RCL1: variants seen among roughly 807,000 people sequenced by gnomAD.
RCL1 encodes the protein RNA 3'-terminal phosphate cyclase-like protein.
RCL1 carries 24 observed loss-of-function variants against 42.4 expected under a neutral mutation model. The ratio of observed to expected loss-of-function variants is 0.57; its 90% CI spans 0.41 to 0.80. The LOEUF is 0.80. Ranked by LOEUF, RCL1 falls within the 30% of genes least tolerant of loss-of-function variation. The pLI is 0.00. For synonymous variants in RCL1, 228 were observed against 177.3 expected (o/e 1.29, Z -2.27); for missense variants, 578 against 467.9 (o/e 1.24, Z -2.17).
At chr9:4,851,782 G>A (rs924540982) in intron 8 of RCL1, among the ~76,000 whole-genome samples, 12 of 150,016 alleles carry the variant, frequency 8.0e-5, no homozygotes, top group South Asian at 2.1e-4. Context: ...CCTGTTTTTC[G>A]TGTGTATAAA....
At chr9:4,814,319 T>C (rs296846) in intron 1 of RCL1, among the ~76,000 whole-genome samples, 51,786 of 151,672 alleles carry the variant, frequency 0.34, 10,260 homozygotes, top group Non-Finnish European at 0.44. Context: ...GGTCTGACTT[T>C]GTTGCCCACG....
At chr9:4,815,383 A>G (rs918131307) in intron 1 of RCL1, among the ~76,000 whole-genome samples, 1 of 151,568 alleles carries the variant, frequency 6.6e-6, no homozygotes, top group African/African-American at 2.4e-5. Flanking sequence ...ATGCTTGATC[A>G]TGTCTGCTAT....
At chr9:4,849,605 C>A in intron 8 of RCL1, 55 bp downstream of exon 8, 2 of 1,318,136 alleles carry the variant, frequency 1.5e-6, no homozygotes, top group Non-Finnish European at 2.2e-6. Flanking sequence ...TTCTCATTGC[C>A]CAAAATGACA....
rs1019337409 is a variant in RCL1 at position 4,796,639 on chromosome 9, G to A, written c.136+3412G>A. ...GGTCTTGAACTCCTGGACTCAAGCA[G>A]TCGTCCTGCCTCAGCCTTCCAAATT... On this transcript the variant is annotated intron_variant, in intron 1 of 8. Coordinates refer to ENST00000381750, the MANE Select transcript of RCL1 (RefSeq NM_005772.5). 2.6e-5 allele frequency among the ~76,000 whole-genome samples: 4 copies of A among 152,302 alleles called. No individual in the cohort carries two copies. In the East Asian group the frequency reaches 7.7e-4, roughly 29 times the overall value.
At chr9:4,794,104 A>G (rs1842876442) in intron 1 of RCL1, among the ~76,000 whole-genome samples, 1 of 152,204 alleles carries the variant, frequency 6.6e-6, no homozygotes, top group African/African-American at 2.4e-5. Flanking sequence ...TCAGGTGAAA[A>G]AGGAAAAAAC....
At chr9:4,803,400 C>T (rs1843039132) in intron 1 of RCL1, among the ~76,000 whole-genome samples, 1 of 152,148 alleles carries the variant, frequency 6.6e-6, no homozygotes, top group Admixed American at 6.5e-5. Flanking sequence ...ACAAGGTGAT[C>T]TTCATGCTTA....
chr9:4,824,703 G>T (rs994187295), intron 2 of RCL1, among the ~76,000 whole-genome samples: 1 of 152,052 alleles, frequency 6.6e-6, no homozygotes, highest in African/African-American at 2.4e-5. Flanking sequence ...GCAAGCTTGG[G>T]TTCATATGTG....
At chr9:4,808,457 G>A (rs898795602) in intron 1 of RCL1, among the ~76,000 whole-genome samples, 5 of 151,968 alleles carry the variant, frequency 3.3e-5, no homozygotes, top group African/African-American at 7.3e-5. Context: ...ATAGGTGTGC[G>A]CCATTATGCC....
In RCL1 at chr9:4,860,241, T is replaced by C. The variant is rs773338944; in HGVS notation, c.1088T>C (p.Ile363Thr). 112 of 1,613,632 alleles carry C rather than the reference T, an allele frequency of 6.9e-5. No homozygotes were observed. Among genetic ancestry groups the C allele is most frequent in the Non-Finnish European group, 8.9e-5 (105 of 1,179,864 alleles). Residue 363 changes from isoleucine (I) to threonine (T), a missense_variant, in exon 9 of 9, where the codon ATT becomes ACT. Ile to Thr is a moderately conservative substitution (Grantham distance 89). Coordinates refer to ENST00000381750, the MANE Select transcript of RCL1 (RefSeq NM_005772.5). ...AAAGTGCTGATGACCTGTGTTGGCATTGGTTTCTCCAACCTTAGCAAGACC... is the reference window on the plus strand; with the variant it reads ...AAAGTGCTGATGACCTGTGTTGGCACTGGTTTCTCCAACCTTAGCAAGACC... ...GDKVLMTCVG[I>T]GFSNLSKTLK
intron 7 of RCL1, among the ~76,000 whole-genome samples, chr9:4,845,055 A>T (rs925266196): frequency 6.6e-6 from 1 of 152,218 alleles, no homozygotes; most frequent in African/African-American, 2.4e-5. Context: ...ATGTGGGAAG[A>T]TGGACTCATT....
intron 5 of RCL1, among the ~76,000 whole-genome samples, chr9:4,836,259 C>G (rs1817125739): frequency 1.3e-5 from 2 of 152,098 alleles, no homozygotes; most frequent in South Asian, 4.1e-4. Context: ...CCAATTTCAT[C>G]CAAGGTTGGA....
chr9:4,859,283 T>C lies in RCL1; in HGVS notation c.972-842T>C, dbSNP rs1018511243. On this transcript the variant is annotated intron_variant, in intron 8 of 8. Coordinates refer to ENST00000381750, the MANE Select transcript of RCL1 (RefSeq NM_005772.5). The stretch of plus-strand genomic sequence containing the variant: ...ACTTCCCCGGCCACCTTATTTAATA[T>C]TGCCTTCTGCCAAATATGTACAAAT... 3.0e-4 allele frequency among the ~76,000 whole-genome samples: 46 copies of C among 152,214 alleles called. 1 individual carries two copies. The highest frequency in any genetic ancestry group is 1.0e-3 in the African/African-American group (42 of 41,466).
chr9:4,853,970 G>A (rs148019060), intron 8 of RCL1, among the ~76,000 whole-genome samples: 128 of 152,196 alleles, frequency 8.4e-4, no homozygotes, highest in Middle Eastern at 3.4e-3. Flanking sequence ...GGGAACTGCC[G>A]GCCAAGCCTG....
chr9:4,852,971 A>C (rs1323453694), intron 8 of RCL1, among the ~76,000 whole-genome samples: 1 of 152,116 alleles, frequency 6.6e-6, no homozygotes, highest in Non-Finnish European at 1.5e-5. Flanking sequence ...GGATTAAAAA[A>C]TTTTAATTTC....
chr9:4,849,425 A>C, intron 7 of RCL1, 22 bp from the exon 8 acceptor site: 3 of 1,586,006 alleles, frequency 1.9e-6, no homozygotes, highest in Non-Finnish European at 2.6e-6. Context: ...TGGTTTGTAC[A>C]ATTATTAATT....
chr9:4,810,720 G>T lies in RCL1; in HGVS notation c.137-12828G>T, dbSNP rs148862401. On this transcript the variant is annotated intron_variant, in intron 1 of 8. Transcript: ENST00000381750. The stretch of plus-strand genomic sequence containing the variant: ...TGCCTATGTTTAGTTTTCCCAAGTG[G>T]TTGTACAAAGTGACTGTAAATATAT... Among the ~76,000 whole-genome samples the T allele has an allele frequency of 1.7e-3, 255 of 152,256 alleles. 1 individual carries two copies. The highest frequency in any genetic ancestry group is 5.9e-3 in the African/African-American group (245 of 41,546).
chr9:4,793,232 C>T lies in RCL1; in HGVS notation c.136+5C>T, dbSNP rs756412474. On this transcript the variant is annotated splice_donor_5th_base_variant and intron_variant, in intron 1 of 8. Coordinates refer to ENST00000381750, the MANE Select transcript of RCL1 (RefSeq NM_005772.5). ...ACGACAACCCGGGCCTCCGAGGTAA[C>T]TTGGTGTGGGCGGCGCGCGGCGTGG... is the stretch of plus-strand genomic sequence containing the variant. 1.5e-5 allele frequency: 24 copies of T among 1,591,486 alleles called. No individual in the cohort carries two copies. Among genetic ancestry groups the T allele is most frequent in the Non-Finnish European group, 2.0e-5 (23 of 1,169,078 alleles).
Position 4,860,349 on chromosome 9 carries a change from C to G in RCL1, c.*74C>G, listed in dbSNP as rs753003436. On this transcript the variant is annotated 3_prime_UTR_variant, in exon 9 of 9. Coordinates refer to ENST00000381750, the MANE Select transcript of RCL1 (RefSeq NM_005772.5). Reference sequence around the variant, plus strand: ...GCCACGGACACCAATGGGACCAAGTCCAAATGGATTAATCCAGGACAGAAT... The same window carrying G: ...GCCACGGACACCAATGGGACCAAGTGCAAATGGATTAATCCAGGACAGAAT... 2 of 1,497,054 alleles carry G rather than the reference C, an allele frequency of 1.3e-6. No homozygotes were observed. Among genetic ancestry groups the G allele is most frequent in the East Asian group, 2.4e-5 (1 of 42,018 alleles). The allele number at this position is 1,497,054 out of a possible 1,614,324, so 92.7% of individuals were successfully genotyped here.
intron 1 of RCL1, chr9:4,803,638 T>A (rs1307957750): frequency 6.6e-6 from 1 of 152,116 alleles, no homozygotes; most frequent in Non-Finnish European, 1.5e-5. Flanking sequence ...GATTATTCAC[T>A]CACAAGTTGA....
Sources: allele counts gnomAD v4.1 joint callset (sites outside exome capture counted in the v4.1 genomes callset), GRCh38; gene constraint gnomAD v4.1.1; transcripts MANE v1.5; gene names NCBI Gene and HGNC (gene_info 2026-07-23, HGNC 2026-07-21).